Variants in ARAP2 observed in about 807,000 individuals in gnomAD.
ARAP2 encodes the protein arf-GAP with Rho-GAP domain, ANK repeat and PH domain-containing protein 2.
ARAP2 carries 148 observed loss-of-function variants against 194.5 expected under a neutral mutation model. The observed-to-expected ratio is 0.76, with a 90% CI of 0.67 to 0.87. The LOEUF is 0.87. Ranked by LOEUF, ARAP2 falls within the 40% of genes least tolerant of loss-of-function variation. The probability of loss-of-function intolerance (pLI) is 0.00; values close to 1 mark genes in which losing one functional copy is unlikely to be tolerated. For synonymous variants in ARAP2, 695 were observed against 683.5 expected (o/e 1.02, Z -0.26); for missense variants, 2,128 against 1,989.7 (o/e 1.07, Z -1.32).
At chr4:36,043,612 C>T (rs929897549) in intron 5 of ARAP2, among the ~76,000 whole-genome samples, 6 of 151,822 alleles carry the variant, frequency 4.0e-5, no homozygotes, top group East Asian at 1.9e-4. Context: ...TACAATGACA[C>T]GTGTCTGTTG....
chr4:36,005,815 A>G (rs1474853708), intron 10 of ARAP2: 1 of 152,170 alleles, frequency 6.6e-6, no homozygotes, highest in East Asian at 1.9e-4. Flanking sequence ...GGGTTCTCAA[A>G]AAGAAGATGC....
At chr4:36,082,361 G>A (rs760117751) in intron 29 of ARAP2, 75 bp from the exon 30 acceptor site, 173 of 1,428,600 alleles carry the variant, frequency 1.2e-4, no homozygotes, top group Non-Finnish European at 1.6e-4. Flanking sequence ...AGGATTAGAT[G>A]TTAAGGAGAT....
chr4:36,156,366 G>A (rs1247001736), intron 15 of ARAP2, among the ~76,000 whole-genome samples: 8 of 45,080 alleles, frequency 1.8e-4, no homozygotes, highest in Non-Finnish European at 3.3e-4. Context: ...AGGGAGGGAG[G>A]GAGGGAGGGG....
chr4:36,155,651 ATTTT>A (rs35441865), intron 15 of ARAP2, among the ~76,000 whole-genome samples: 5 of 146,904 alleles, frequency 3.4e-5, no homozygotes, highest in African/African-American at 1.2e-4. Context: ...TTTTTTATTT[ATTTT>A]TTTTTTTATT....
At chr4:36,085,090 A>C (rs906260470) in intron 28 of ARAP2, among the ~76,000 whole-genome samples, 1 of 152,002 alleles carries the variant, frequency 6.6e-6, no homozygotes, top group African/African-American at 2.4e-5. Flanking sequence ...CAGTTTATCC[A>C]TGTCTTTATT....
chr4:36,165,037 C>T lies in ARAP2; in HGVS notation c.2050G>A (p.Asp684Asn), dbSNP rs200497411. The change falls in exon 11 of 33, where the codon GAT (aspartate) becomes AAT (asparagine). Residue 684 changes from aspartate (D) to asparagine (N), a missense_variant. Asp to Asn is a conservative substitution (Grantham distance 23, BLOSUM62 1). Coordinates refer to ENST00000303965, the MANE Select transcript of ARAP2 (RefSeq NM_015230.4). ...VQQSIAETLS[D>N]YEVAEKIWFN... The stretch of plus-strand genomic sequence containing the variant: ...CAAATCTTCTCAGCTACTTCATAAT[C>T]AGAGAGAGTTTCTGCTATTGATTGC... 2.4e-4 allele frequency: 384 copies of T among 1,614,088 alleles called. No individual in the cohort carries two copies. Among genetic ancestry groups the T allele is most frequent in the Non-Finnish European group, 3.2e-4 (372 of 1,179,936 alleles).
At chr4:36,089,903 C>G (rs1470618252) in intron 28 of ARAP2, among the ~76,000 whole-genome samples, 1 of 151,956 alleles carries the variant, frequency 6.6e-6, no homozygotes, top group Non-Finnish European at 1.5e-5. Context: ...ATACATTTTT[C>G]TCAATCTGGG....
At chr4:36,033,247 C>T (rs1300844456) in intron 5 of ARAP2, among the ~76,000 whole-genome samples, 1 of 152,114 alleles carries the variant, frequency 6.6e-6, no homozygotes, top group Non-Finnish European at 1.5e-5. Context: ...GAGGAATTGC[C>T]ATTCTAACTA....
chr4:36,092,051 G>T, intron 27 of ARAP2, 31 bp from the exon 28 acceptor site: 1 of 1,464,744 alleles, frequency 6.8e-7, no homozygotes, highest in Non-Finnish European at 9.1e-7. Flanking sequence ...TTTGTGAGTT[G>T]GGTACGTTTT....
intron 10 of ARAP2, chr4:36,005,868 T>C (rs1445204243): frequency 6.6e-6 from 1 of 152,202 alleles, no homozygotes; most frequent in Non-Finnish European, 1.5e-5. Flanking sequence ...GGATCTCTTT[T>C]TTCTTAAAAA....
intron 9 of ARAP2, among the ~76,000 whole-genome samples, chr4:36,010,367 G>A (rs533761955): frequency 1.1e-4 from 16 of 151,936 alleles, no homozygotes; most frequent in Middle Eastern, 3.4e-3. Context: ...TCTATACAAC[G>A]GTCTAGTCCT....
chr4:36,097,637 C>T (rs747520094), intron 27 of ARAP2, among the ~76,000 whole-genome samples: 6 of 152,030 alleles, frequency 3.9e-5, no homozygotes, highest in Non-Finnish European at 7.4e-5. Context: ...CTATTGTTTT[C>T]GTGTGAGTAT....
At chr4:36,012,009 C>A (rs550324142) in intron 9 of ARAP2, among the ~76,000 whole-genome samples, 1 of 152,158 alleles carries the variant, frequency 6.6e-6, no homozygotes, top group African/African-American at 2.4e-5. Context: ...ATATCTAAAG[C>A]ATTGTGGAAT....
chr4:36,071,961 TG>T (rs1289675647), intron 32 of ARAP2, among the ~76,000 whole-genome samples: 1 of 152,032 alleles, frequency 6.6e-6, no homozygotes, highest in Non-Finnish European at 1.5e-5. Flanking sequence ...TTTGGTTTTT[TG>T]TTCTTGAAAT....
rs761806241 is a variant in ARAP2 at position 36,212,493 on chromosome 4, A to G, written c.1042-6T>C. On this transcript the variant is annotated splice_region_variant and splice_polypyrimidine_tract_variant and intron_variant, in intron 4 of 32. Transcript: ENST00000303965. ...TCATTCTTTATAGATCGCTTCTATT[A>G]AAAAAGCAAACAAACAAAAAACACA... is the stretch of plus-strand genomic sequence containing the variant. The G allele has an allele frequency of 1.2e-6, 2 of 1,605,640 alleles. No individual in the cohort carries two copies. Among genetic ancestry groups the G allele is most frequent in the African/African-American group, 2.7e-5 (2 of 74,834 alleles).
At chr4:36,147,838 C>G in intron 17 of ARAP2, 92 bp from the exon 18 acceptor site, 1 of 1,096,154 alleles carries the variant, frequency 9.1e-7, no homozygotes, top group East Asian at 2.6e-5. Flanking sequence ...GACAAATTAT[C>G]TTAGTTTTTC....
chr4:36,183,387 C>G (rs572026972), intron 8 of ARAP2, among the ~76,000 whole-genome samples: 124 of 152,126 alleles, frequency 8.2e-4, no homozygotes, highest in African/African-American at 2.8e-3. Flanking sequence ...GAATAACACA[C>G]GTGCATGTTT....
At position 36,228,847 on chromosome 4, in the gene ARAP2, A is replaced by C. The variant is rs1422679380; in HGVS notation, c.640T>G (p.Ser214Ala). The C allele has an allele frequency of 6.2e-7, 1 of 1,614,188 alleles. No individual in the cohort carries two copies. Among genetic ancestry groups the C allele is most frequent in the Admixed American group, 1.7e-5 (1 of 60,014 alleles). The change falls in exon 2 of 33, where the codon TCT (serine) becomes GCT (alanine). Residue 214 changes from serine to alanine, a missense_variant. By Grantham distance (99) the Ser-to-Ala change is moderately conservative. Transcript: ENST00000303965. ...CAGCCAACAAAAGAAAGGCATTCAG[A>C]GTCTGCATTAGGGAGCTTACTGAGA... is the stretch of plus-strand genomic sequence containing the variant. ...ENLSKLPNADSECLSFVGCST... is the reference protein window; with the variant it reads ...ENLSKLPNADAECLSFVGCST...
At chr4:36,090,628 G>A (rs1713343524) in intron 28 of ARAP2, among the ~76,000 whole-genome samples, 1 of 152,096 alleles carries the variant, frequency 6.6e-6, no homozygotes, top group South Asian at 2.1e-4. Flanking sequence ...GATAGAACTG[G>A]AGGCCATTAT....
Sources: allele counts gnomAD v4.1 joint callset (sites outside exome capture counted in the v4.1 genomes callset), GRCh38; gene constraint gnomAD v4.1.1; transcripts MANE v1.5; gene names NCBI Gene and HGNC (gene_info 2026-07-23, HGNC 2026-07-21).